DAB1: variants seen among roughly 807,000 people sequenced by gnomAD.
DAB1 encodes the protein DAB adaptor protein 1, also known as disabled homolog 1.
A neutral mutation model predicts 64.6 loss-of-function variants in DAB1; 15 were observed. The ratio of observed to expected loss-of-function variants is 0.23; its 90% CI spans 0.16 to 0.36. DAB1 has a LOEUF of 0.36. DAB1 is among the 10% of genes least tolerant of loss of function. The probability of loss-of-function intolerance (pLI) is 1.00; values close to 1 mark genes in which losing one functional copy is unlikely to be tolerated. For missense variants in DAB1, 596 were observed against 706.7 expected, an observed-to-expected ratio of 0.84 and a Z score of 1.78; for synonymous variants, 235 against 251.9, an observed-to-expected ratio of 0.93 and a Z score of 0.64.
chr1:58,487,919 C>T (rs2100364932), intron 3 of DAB1, among the ~76,000 whole-genome samples: 1 of 152,228 alleles, frequency 6.6e-6, no homozygotes, highest in Admixed American at 6.5e-5. Flanking sequence ...TTCTCCTGAT[C>T]CTATTTACAT....
chr1:58,283,439 C>T (rs1661612157), intron 4 of DAB1, among the ~76,000 whole-genome samples: 1 of 152,062 alleles, frequency 6.6e-6, no homozygotes, highest in Admixed American at 6.6e-5. Flanking sequence ...TCTACCCTGA[C>T]CACCCTACCC....
chr1:57,001,303 TTTG>T (rs751423444), intron 14 of DAB1, among the ~76,000 whole-genome samples: 12 of 152,202 alleles, frequency 7.9e-5, no homozygotes, highest in Non-Finnish European at 1.5e-4. Context: ...TGTTTGTTTG[TTTG>T]TTTTCTTTTG....
At chr1:57,816,374 C>T (rs905082424) in intron 6 of DAB1, among the ~76,000 whole-genome samples, 4 of 152,170 alleles carry the variant, frequency 2.6e-5, no homozygotes, top group African/African-American at 7.2e-5. Flanking sequence ...TCTCCAAAGC[C>T]GGTTAAGTTA....
chr1:57,467,862 T>C (rs17115837), intron 7 of DAB1, among the ~76,000 whole-genome samples: 3,682 of 152,324 alleles, frequency 0.024, 158 homozygotes, highest in African/African-American at 0.081. Context: ...TATTAAAAGA[T>C]ACAGATATAC....
intron 1 of DAB1, among the ~76,000 whole-genome samples, chr1:57,366,666 C>T (rs907706212): frequency 6.6e-6 from 1 of 152,180 alleles, no homozygotes; most frequent in African/African-American, 2.4e-5. Context: ...ATTATACCTA[C>T]AAAACTTAAC....
intron 4 of DAB1, among the ~76,000 whole-genome samples, chr1:58,299,070 C>T (rs971298760): frequency 1.3e-5 from 2 of 152,200 alleles, no homozygotes; most frequent in African/African-American, 2.4e-5. Context: ...TGAGGGCAGT[C>T]ATTCACAGAT....
At chr1:58,253,487 G>A (rs1470264439) in intron 4 of DAB1, among the ~76,000 whole-genome samples, 1 of 152,234 alleles carries the variant, frequency 6.6e-6, no homozygotes, top group African/African-American at 2.4e-5. Flanking sequence ...GAAGAGGTGT[G>A]CACGGTCAGT....
At chr1:57,418,594 A>G (rs982196959) in intron 1 of DAB1, among the ~76,000 whole-genome samples, 2 of 152,118 alleles carry the variant, frequency 1.3e-5, no homozygotes, top group Non-Finnish European at 2.9e-5. Context: ...CCTTATTTTT[A>G]TACCATAAGT....
At chr1:58,491,314 C>A (rs970536285) in intron 3 of DAB1, among the ~76,000 whole-genome samples, 4 of 152,106 alleles carry the variant, frequency 2.6e-5, no homozygotes, top group African/African-American at 9.7e-5. Context: ...AAAAACATGC[C>A]AAATTGTAAA....
chr1:58,458,294 T>C lies in DAB1; in HGVS notation n.257+47766A>G, dbSNP rs745330591. On this transcript the variant is annotated intron_variant and non_coding_transcript_variant, in intron 3 of 20. Transcript: ENST00000485760. Reference sequence around the variant, plus strand: ...AAAGTTCTACCAGACAGCACTGGTCTAGTGAGACAGGCAGACACTTTCTAT... The same window carrying C: ...AAAGTTCTACCAGACAGCACTGGTCCAGTGAGACAGGCAGACACTTTCTAT... Among the ~76,000 whole-genome samples, 59 of 152,374 alleles carry C rather than the reference T, an allele frequency of 3.9e-4. No individual in the cohort carries two copies. In the Middle Eastern group the frequency reaches 0.014, roughly 35 times the overall value.
At chr1:58,152,103 G>T (rs1246553361) in intron 4 of DAB1, among the ~76,000 whole-genome samples, 1 of 152,084 alleles carries the variant, frequency 6.6e-6, no homozygotes, top group Non-Finnish European at 1.5e-5. Context: ...GATACATCAG[G>T]CAAATATATG....
At chr1:58,038,880 C>T (rs1472438401) in intron 5 of DAB1, among the ~76,000 whole-genome samples, 1 of 152,178 alleles carries the variant, frequency 6.6e-6, no homozygotes, top group Non-Finnish European at 1.5e-5. Flanking sequence ...AAAGATACTT[C>T]AACGCTTAAT....
intron 3 of DAB1, among the ~76,000 whole-genome samples, chr1:58,448,919 C>T (rs1273851371): frequency 1.3e-5 from 2 of 151,880 alleles, no homozygotes; most frequent in South Asian, 2.1e-4. Context: ...GGTCCATCCA[C>T]GTTTATAGAG....
intron 6 of DAB1, among the ~76,000 whole-genome samples, chr1:57,769,862 A>C (rs116789313): frequency 0.011 from 1,705 of 152,242 alleles, 28 homozygotes; most frequent in African/African-American, 0.04. Flanking sequence ...GGCACAGCAC[A>C]GTCCCTTCTC....
chr1:58,147,163 C>T (rs546179929), intron 5 of DAB1, among the ~76,000 whole-genome samples: 6 of 151,864 alleles, frequency 4.0e-5, no homozygotes, highest in Middle Eastern at 3.4e-3. Context: ...AAAAATTAGC[C>T]GGGCATGGTA....
intron 2 of DAB1, among the ~76,000 whole-genome samples, chr1:57,189,896 C>T (rs181626860): frequency 6.6e-6 from 1 of 151,438 alleles, no homozygotes; most frequent in Non-Finnish European, 1.5e-5. Flanking sequence ...CTGTCATGGC[C>T]CAAGAGCTCC....
At chr1:57,214,516 T>G (rs188729324) in intron 2 of DAB1, among the ~76,000 whole-genome samples, 1 of 152,168 alleles carries the variant, frequency 6.6e-6, no homozygotes, top group African/African-American at 2.4e-5. Flanking sequence ...CCATCCAGAA[T>G]AGTCACAATG....
intron 14 of DAB1, among the ~76,000 whole-genome samples, chr1:57,002,099 TG>T (rs1345115478): frequency 6.6e-6 from 1 of 152,230 alleles, no homozygotes; most frequent in Non-Finnish European, 1.5e-5. Flanking sequence ...AACTTTAATA[TG>T]ATTCTGACAT....
intron 1 of DAB1, among the ~76,000 whole-genome samples, chr1:57,383,413 C>G (rs1681544289): frequency 6.6e-6 from 1 of 152,114 alleles, no homozygotes; most frequent in South Asian, 2.1e-4. Context: ...CTGCACATTA[C>G]TGGCAGGATG....
Sources: gnomAD v4.1 joint callset for allele counts (sites outside exome capture counted in the v4.1 genomes callset) on GRCh38, gnomAD v4.1.1 for gene constraint, MANE v1.5 for transcripts, NCBI Gene and HGNC (gene_info 2026-07-23, HGNC 2026-07-21) for gene names.